The following PEG3 variants were observed in gnomAD, a reference collection of about 807,000 sequenced individuals.
PEG3 encodes the protein paternally expressed 3, also known as paternally-expressed gene 3 protein.
PEG3 carries 23 observed loss-of-function variants against 35.5 expected under a neutral mutation model. The ratio of observed to expected loss-of-function variants is 0.65; its 90% CI spans 0.47 to 0.92. The LOEUF is 0.92. Among genes scored for constraint, PEG3 ranks in the 40% least tolerant of loss-of-function variants. The pLI, the probability that PEG3 is intolerant of heterozygous loss-of-function variation, is 0.00. For synonymous variants in PEG3, 707 were observed against 697.0 expected (o/e 1.01, Z -0.23); for missense variants, 1,960 against 1,985.3 (o/e 0.99, Z 0.24).
chr19:56,824,741 C>A lies in PEG3; in HGVS notation c.-86G>T. ...GCCTGTGACCGTCAGTACTCAGGGA[C>A]CTGTGGATCGTAAGGAGATATACAC... On this transcript the variant is annotated splice_region_variant and 5_prime_UTR_variant, in exon 4 of 10. Coordinates refer to ENST00000326441, the MANE Select transcript of PEG3 (RefSeq NM_006210.3). The A allele has an allele frequency of 1.5e-6, 2 of 1,310,474 alleles. No homozygotes were observed. The highest frequency in any genetic ancestry group is 1.4e-5 in the South Asian group (1 of 70,528). The allele number at this position is 1,310,474 out of a possible 1,614,324, so 81.2% of individuals were successfully genotyped here. A position where few individuals can be genotyped will look rare whatever the true frequency, so the allele number is the denominator to read the frequency against.
chr19:56,824,063 G>A (rs1026912779), intron 4 of PEG3, among the ~76,000 whole-genome samples, 199 bp downstream of exon 4: 1 of 152,148 alleles, frequency 6.6e-6, no homozygotes, highest in African/African-American at 2.4e-5. Flanking sequence ...GGATACCTGG[G>A]CATGTGTGGA....
At chr19:56,819,285 G>A (rs1008325139) in intron 7 of PEG3, among the ~76,000 whole-genome samples, 1 of 152,288 alleles carries the variant, frequency 6.6e-6, no homozygotes, top group African/African-American at 2.4e-5. Context: ...CTACATTGAG[G>A]GAGTCTCCAG....
At position 56,822,820 on chromosome 19, in the gene PEG3, G is replaced by C. The variant is rs757890759; in HGVS notation, c.498C>G (p.Asp166Glu). 1.9e-6 allele frequency: 3 copies of C among 1,613,832 alleles called. No individual in the cohort carries two copies. The highest frequency in any genetic ancestry group is 2.5e-6 in the Non-Finnish European group (3 of 1,179,924). Residue 166 changes from aspartate (D) to glutamate (E), a missense_variant, in exon 6 of 10, where the codon GAC becomes GAG. Coordinates refer to ENST00000326441, the MANE Select transcript of PEG3 (RefSeq NM_006210.3). ...SVHSFSDRDWDRRGRSRDMEP... is the reference protein window; with the variant it reads ...SVHSFSDRDWERRGRSRDMEP... ...CCATGTCTCTGCTTCTGCCCCTCCGGTCCCAGTCCCGGTCACCTAAGCAGG... is the reference window on the plus strand; with the variant it reads ...CCATGTCTCTGCTTCTGCCCCTCCGCTCCCAGTCCCGGTCACCTAAGCAGG...
intron 7 of PEG3, among the ~76,000 whole-genome samples, chr19:56,818,950 G>T (rs953984505): frequency 3.9e-5 from 6 of 152,124 alleles, no homozygotes; most frequent in Non-Finnish European, 8.8e-5. Context: ...CTTATAATTT[G>T]GTTGGAGAGA....
chr19:56,816,609 G>A lies in PEG3; in HGVS notation c.1833C>T (p.Ser611=), dbSNP rs1444899031. The A allele has an allele frequency of 1.2e-6, 2 of 1,613,884 alleles. No homozygotes were observed. Among genetic ancestry groups the A allele is most frequent in the East Asian group, 4.5e-5 (2 of 44,878 alleles). ...ERERGETFRP[S]PALNEFQKMY... ...TTTTCTGAAACTCATTAAGGGCTGG[G>A]CTGGGCCTAAAGGTTTCCCCGCGCT... Residue 611 remains serine, a synonymous_variant, in exon 10 of 10, where the codon AGC becomes AGT. Transcript: ENST00000326441.
chr19:56,816,087 C>T lies in PEG3; in HGVS notation c.2355G>A (p.Val785=), dbSNP rs1370986253. 2 of 1,604,700 alleles carry T rather than the reference C, an allele frequency of 1.2e-6. No individual in the cohort carries two copies. Among genetic ancestry groups the T allele is most frequent in the African/African-American group, 2.7e-5 (2 of 74,490 alleles). ...CTACACTGTGACTTTTCTGAGCTTC[C>T]ACAGAGGCTAAGCTATGAATAACAG... is the stretch of plus-strand genomic sequence containing the variant. The part of the protein sequence containing the change: ...ERSVIHSLAS[V]EAQKSHSVAG... Residue 785 remains valine, a synonymous_variant, in exon 10 of 10, where the codon GTG becomes GTA. Transcript: ENST00000326441.
chr19:56,833,840 C>G (rs1295995366), intron 2 of PEG3: 1 of 152,700 alleles, frequency 6.5e-6, no homozygotes, highest in Non-Finnish European at 1.5e-5. Flanking sequence ...AAATGACCAC[C>G]AACTCCATCT....
intron 5 of PEG3, among the ~76,000 whole-genome samples, 191 bp downstream of exon 5, chr19:56,823,402 G>T (rs112247074): frequency 6.6e-6 from 1 of 152,128 alleles, no homozygotes; most frequent in African/African-American, 2.4e-5. Context: ...AGTATTTAAG[G>T]TGTCTGTTTA....
At position 56,813,803 on chromosome 19, in the gene PEG3, C is replaced by G. The variant is rs199961932; in HGVS notation, c.4639G>C (p.Glu1547Gln). 1 of 1,614,030 alleles carries G rather than the reference C, an allele frequency of 6.2e-7. No homozygotes were observed. Among genetic ancestry groups the G allele is most frequent in the Non-Finnish European group, 8.5e-7 (1 of 1,180,004 alleles). Residue 1547 changes from glutamate (E) to glutamine (Q), a missense_variant, in exon 10 of 10, where the codon GAA becomes CAA. By Grantham distance (29) the Glu-to-Gln change is conservative. Transcript: ENST00000326441. ...CCACCTGTGCTGGTGCTGGCACGTTCGATGTAGCCTGAGCACTCCCCAAAG... is the reference window on the plus strand; with the variant it reads ...CCACCTGTGCTGGTGCTGGCACGTTGGATGTAGCCTGAGCACTCCCCAAAG... ...NAFGECSGYI[E>Q]RASTSTGGAN... is the part of the protein sequence containing the mutation.
chr19:56,823,606 T>C lies in PEG3; in HGVS notation c.468A>G (p.Ser156=), dbSNP rs1173617147. The C allele has an allele frequency of 6.2e-7, 1 of 1,614,144 alleles. No homozygotes were observed. The highest frequency in any genetic ancestry group is 8.5e-7 in the Non-Finnish European group (1 of 1,180,012). Residue 156 remains serine, a synonymous_variant, in exon 5 of 10, where the codon TCA becomes TCG. Coordinates refer to ENST00000326441, the MANE Select transcript of PEG3 (RefSeq NM_006210.3). ...RNRRESSPPH[S]VHSFSDRDWD... ...GGTACTCACCACTGAAAGAATGGAC[T>C]GAGTGAGGTGGTGAGGACTCTCTTC...
At position 56,814,361 on chromosome 19, in the gene PEG3, C is replaced by G; in HGVS notation, c.4081G>C (p.Asp1361His). The G allele has an allele frequency of 6.2e-7, 1 of 1,604,926 alleles. No individual in the cohort carries two copies. Among genetic ancestry groups the G allele is most frequent in the Non-Finnish European group, 8.5e-7 (1 of 1,172,646 alleles). ...KELHLEEEEE[D>H]EAAAAAAAAA... is the part of the protein sequence containing the mutation. Reference sequence around the variant, plus strand: ...GCTGCTGCAGCTGCTGCTGCTTCATCTTCTTCTTCTTCTTCCAGATGAAGC... The same window carrying G: ...GCTGCTGCAGCTGCTGCTGCTTCATGTTCTTCTTCTTCTTCCAGATGAAGC... The change falls in exon 10 of 10, where the codon GAT (aspartate) becomes CAT (histidine). Residue 1361 changes from aspartate (D) to histidine (H), a missense_variant. Asp to His is a moderately conservative substitution (Grantham distance 81). Around this residue, in one of 5 missense-constraint regions of PEG3, gnomAD observed 416 missense variants for 416.7 expected, o/e 1.00. Transcript: ENST00000326441. The surrounding 1 kb of genome is among the most constrained non-coding windows in gnomAD (Gnocchi z 5.8).
At chr19:56,823,416 A>G (rs75227280) in intron 5 of PEG3, among the ~76,000 whole-genome samples, 177 bp downstream of exon 5, 3,470 of 152,296 alleles carry the variant, frequency 0.023, 131 homozygotes, top group African/African-American at 0.08. Context: ...CTGTTTAGAT[A>G]TAAAAATGTC....
rs138631589 is a variant in PEG3 at position 56,821,218 on chromosome 19, G to T, written c.669+433C>A. Among the ~76,000 whole-genome samples, 325 of 152,302 alleles carry T rather than the reference G, an allele frequency of 2.1e-3. 1 individual carries two copies. The highest frequency in any genetic ancestry group is 7.3e-3 in the African/African-American group (304 of 41,566). On this transcript the variant is annotated intron_variant, in intron 7 of 9. Transcript: ENST00000326441. ...TCAGCTTATGAGTAAATGGCCCAAGGCCACACAGCTAGCAAGTGGCAGAGC... is the reference window on the plus strand; with the variant it reads ...TCAGCTTATGAGTAAATGGCCCAAGTCCACACAGCTAGCAAGTGGCAGAGC...
In PEG3 at chr19:56,810,241, T is replaced by C; in HGVS notation, c.*3434A>G. On this transcript the variant is annotated 3_prime_UTR_variant, in exon 10 of 10. Transcript: ENST00000326441. ...GGTGAAAACATGGGTGAGTTTCTCT[T>C]CTACATTTCTGTAACTTCAAAGTTT... 2.0e-6 allele frequency: 2 copies of C among 983,556 alleles called. No individual in the cohort carries two copies. The highest frequency in any genetic ancestry group is 2.4e-6 in the Non-Finnish European group (2 of 828,218). 60.9% of individuals were successfully genotyped at this position (983,556 alleles called of 1,614,324 possible).
chr19:56,824,010 C>CT (rs947297994), intron 4 of PEG3, among the ~76,000 whole-genome samples: 22 of 152,298 alleles, frequency 1.4e-4, no homozygotes, highest in Admixed American at 1.4e-3. Flanking sequence ...CCTCTCCTGA[C>CT]TCAGGATGGT....
intron 1 of PEG3, among the ~76,000 whole-genome samples, chr19:56,840,017 G>A (rs928113930): frequency 5.3e-5 from 8 of 152,170 alleles, no homozygotes; most frequent in Admixed American, 5.2e-4. Flanking sequence ...CACCACCACT[G>A]CGGCAAACAA....
chr19:56,839,193 G>C (rs893552823), intron 1 of PEG3, among the ~76,000 whole-genome samples: 1 of 152,006 alleles, frequency 6.6e-6, no homozygotes, highest in Non-Finnish European at 1.5e-5. Flanking sequence ...TGTCACTTCA[G>C]CCTTGCCCCG....
chr19:56,816,235 G>T lies in PEG3; in HGVS notation c.2207C>A (p.Thr736Asn). ...GPFTESQKSH[T>N]ITRPLESDED... ...ATCACTTTCAAGAGGTCTTGTTATA[G>T]TATGACTCTTCTGAGATTCAGTGAA... The change falls in exon 10 of 10, where the codon ACT becomes AAT. Residue 736 changes from threonine (T) to asparagine (N), a missense_variant. Coordinates refer to ENST00000326441, the MANE Select transcript of PEG3 (RefSeq NM_006210.3). The T allele has an allele frequency of 1.2e-6, 2 of 1,614,108 alleles. No homozygotes were observed. Among genetic ancestry groups the T allele is most frequent in the Non-Finnish European group, 1.7e-6 (2 of 1,179,954 alleles).
At chr19:56,818,922 T>C (rs1166704223) in intron 7 of PEG3, among the ~76,000 whole-genome samples, 1 of 152,238 alleles carries the variant, frequency 6.6e-6, no homozygotes, top group Non-Finnish European at 1.5e-5. Flanking sequence ...ATGACACATA[T>C]TCCTTGCCCT....
Sources: gnomAD v4.1 joint callset for allele counts (sites outside exome capture counted in the v4.1 genomes callset) on GRCh38, gnomAD v4.1.1 for gene constraint, gnomAD v4.1.1 regional missense constraint, Gnocchi (gnomAD v3.1) non-coding constraint, MANE v1.5 for transcripts, NCBI Gene and HGNC (gene_info 2026-07-23, HGNC 2026-07-21) for gene names.